The following SGCD variants were observed in gnomAD, a reference collection of about 807,000 sequenced individuals.
The protein encoded by SGCD is delta-sarcoglycan.
SGCD carries 18 observed loss-of-function variants against 36.6 expected under a neutral mutation model. The ratio of observed to expected loss-of-function variants is 0.49; its 90% CI spans 0.34 to 0.73. The LOEUF is 0.73. Ranked by LOEUF, SGCD falls within the 30% of genes least tolerant of loss-of-function variation. The pLI is 0.01. For missense variants in SGCD, 387 were observed against 346.7 expected (o/e 1.12, Z -0.92); for synonymous variants, 133 against 130.6 (o/e 1.02, Z -0.12).
intron 1 of SGCD, among the ~76,000 whole-genome samples, chr5:155,934,749 A>G (rs949043832): frequency 3.3e-5 from 5 of 152,230 alleles, no homozygotes; most frequent in South Asian, 2.1e-4. Flanking sequence ...CTTCCATTAC[A>G]GAAGCTGAAA....
chr5:155,822,093 G>A, the SGCD span, among the ~76,000 whole-genome samples: 1 of 152,148 alleles, frequency 6.6e-6, no homozygotes, highest in Non-Finnish European at 1.5e-5. Context: ...TGATTAAGTA[G>A]GTACACTGAG....
At chr5:156,424,645 G>A (rs1773584934) in intron 3 of SGCD, among the ~76,000 whole-genome samples, 1 of 152,048 alleles carries the variant, frequency 6.6e-6, no homozygotes, top group Non-Finnish European at 1.5e-5. Flanking sequence ...TAGTATGCTA[G>A]GTATTTTATG....
At chr5:156,604,218 T>G (rs903398138) in intron 6 of SGCD, among the ~76,000 whole-genome samples, 1 of 152,002 alleles carries the variant, frequency 6.6e-6, no homozygotes, top group Non-Finnish European at 1.5e-5. Flanking sequence ...CTACTCCTGC[T>G]TGCTTTTCAT....
the SGCD span, among the ~76,000 whole-genome samples, chr5:155,859,776 A>G: frequency 1.3e-5 from 2 of 152,200 alleles, no homozygotes; most frequent in African/African-American, 4.8e-5. Context: ...GAGCCTAGAA[A>G]TACTCAAATG....
At chr5:156,207,789 C>G (rs1426534920) in intron 3 of SGCD, among the ~76,000 whole-genome samples, 1 of 151,954 alleles carries the variant, frequency 6.6e-6, no homozygotes, top group Non-Finnish European at 1.5e-5. Flanking sequence ...TGTTCTTTAT[C>G]TACATTTGTA....
At chr5:156,087,445 C>T (rs1020374874) in intron 1 of SGCD, among the ~76,000 whole-genome samples, 1 of 151,888 alleles carries the variant, frequency 6.6e-6, no homozygotes, top group Non-Finnish European at 1.5e-5. Flanking sequence ...TCGAGACCAG[C>T]CTCGCCAACA....
chr5:156,108,139 G>T (rs1281880842), intron 1 of SGCD, among the ~76,000 whole-genome samples: 1 of 151,990 alleles, frequency 6.6e-6, no homozygotes, highest in Non-Finnish European at 1.5e-5. Context: ...CCAGTCCTTG[G>T]CACTACCAAT....
chr5:156,236,492 C>G (rs376320716), intron 3 of SGCD, among the ~76,000 whole-genome samples: 2 of 151,754 alleles, frequency 1.3e-5, no homozygotes, highest in Admixed American at 6.6e-5. Context: ...CTCTGTCACC[C>G]AGGCTGGAGT....
the SGCD span, among the ~76,000 whole-genome samples, chr5:155,833,134 G>A: frequency 1.3e-5 from 2 of 151,820 alleles, no homozygotes; most frequent in Non-Finnish European, 2.9e-5. Context: ...GGAGGCTGAG[G>A]CAGGAGAATC....
chr5:156,210,875 A>G (rs1228882137), intron 3 of SGCD, among the ~76,000 whole-genome samples: 1 of 152,148 alleles, frequency 6.6e-6, no homozygotes, highest in Non-Finnish European at 1.5e-5. Flanking sequence ...AAGAGAGAGA[A>G]AATGGGGTGG....
At chr5:155,984,223 G>C (rs1758285771) in intron 1 of SGCD, among the ~76,000 whole-genome samples, 1 of 152,174 alleles carries the variant, frequency 6.6e-6, no homozygotes, top group Non-Finnish European at 1.5e-5. Flanking sequence ...AATATTTATA[G>C]CATCTCTTAT....
intron 1 of SGCD, among the ~76,000 whole-genome samples, chr5:155,984,936 A>T (rs1370674947): frequency 6.6e-6 from 1 of 152,190 alleles, no homozygotes; most frequent in African/African-American, 2.4e-5. Flanking sequence ...TTTGCTCATC[A>T]CTATGAGATT....
the SGCD span, among the ~76,000 whole-genome samples, chr5:155,737,044 G>A: frequency 6.6e-6 from 1 of 152,220 alleles, no homozygotes; most frequent in East Asian, 1.9e-4. Flanking sequence ...CTGAGGGTTG[G>A]GCAAGTTAAC....
At chr5:155,941,932 A>G (rs1236796140) in intron 1 of SGCD, among the ~76,000 whole-genome samples, 2 of 152,176 alleles carry the variant, frequency 1.3e-5, no homozygotes, top group African/African-American at 4.8e-5. Context: ...AGCAGAAGTA[A>G]AAGGCCTCCT....
chr5:156,593,497 G>C (rs1030403061), intron 5 of SGCD, among the ~76,000 whole-genome samples: 1 of 152,122 alleles, frequency 6.6e-6, no homozygotes, highest in Non-Finnish European at 1.5e-5. Flanking sequence ...TGGCTAATAA[G>C]AGTGACTCTG....
rs769511090 is a variant in SGCD at position 156,029,534 on chromosome 5, G to A, written c.-281-88344G>A. Reference sequence around the variant, plus strand: ...TCTAGCTTGCCCTCTAACATGAGAAGATGCTTAGTATCAGGAGAATGAAGT... The same window carrying A: ...TCTAGCTTGCCCTCTAACATGAGAAAATGCTTAGTATCAGGAGAATGAAGT... On this transcript the variant is annotated intron_variant, in intron 1 of 9. Transcript: ENST00000517913. 2.6e-5 allele frequency among the ~76,000 whole-genome samples: 4 copies of A among 152,306 alleles called. No individual in the cohort carries two copies. The East Asian group carries it at 7.7e-4, about 29-fold the overall frequency.
chr5:156,480,657 C>G (rs142923382), intron 3 of SGCD, among the ~76,000 whole-genome samples: 2 of 152,162 alleles, frequency 1.3e-5, no homozygotes, highest in Non-Finnish European at 2.9e-5. Context: ...CTTTAGCTAA[C>G]TAGATTTGTG....
At chr5:156,224,383 G>T (rs934472247) in intron 3 of SGCD, among the ~76,000 whole-genome samples, 3 of 151,970 alleles carry the variant, frequency 2.0e-5, no homozygotes, top group Non-Finnish European at 4.4e-5. Flanking sequence ...GAAGGGGAGT[G>T]GCCCAGACAA....
chr5:156,147,068 G>A (rs1393962813), intron 3 of SGCD, among the ~76,000 whole-genome samples: 1 of 152,140 alleles, frequency 6.6e-6, no homozygotes, highest in Non-Finnish European at 1.5e-5. Flanking sequence ...TAAGAAGATG[G>A]TAAAGCTGGG....
Sources: gnomAD v4.1 joint callset for allele counts (sites outside exome capture counted in the v4.1 genomes callset) on GRCh38, gnomAD v4.1.1 for gene constraint, MANE v1.5 for transcripts, NCBI Gene and HGNC (gene_info 2026-07-23, HGNC 2026-07-21) for gene names.